Variants in OTOG observed in about 807,000 individuals in gnomAD.
The protein encoded by OTOG is otogelin.
Under a neutral mutation model 313.8 loss-of-function variants are expected in OTOG, and 296 were observed. The ratio of observed to expected loss-of-function variants is 0.94; its 90% CI spans 0.86 to 1.04. The LOEUF (loss-of-function observed/expected upper bound fraction) is 1.04, where lower values mean the gene tolerates loss of function less well. Among genes scored for constraint, OTOG ranks in the 50% least tolerant of loss-of-function variants. OTOG has a pLI of 0.00. For synonymous variants in OTOG, 1,533 were observed against 1,554.9 expected, an observed-to-expected ratio of 0.99 and a Z score of 0.33; for missense variants, 3,948 against 3,840.1, an observed-to-expected ratio of 1.03 and a Z score of -0.74.
chr11:17,631,440 T>C (rs919839026), intron 40 of OTOG, among the ~76,000 whole-genome samples: 17 of 151,908 alleles, frequency 1.1e-4, no homozygotes, highest in African/African-American at 4.1e-4. Flanking sequence ...TATATATATA[T>C]GCATTTTTCG....
At chr11:17,641,309 T>G (rs2133720777) in intron 51 of OTOG, among the ~76,000 whole-genome samples, 1 of 151,704 alleles carries the variant, frequency 6.6e-6, no homozygotes, top group East Asian at 1.9e-4. Context: ...CTGGAAAGAG[T>G]GGGTGTTGAC....
At chr11:17,578,239 A>G (rs1380647656) in intron 22 of OTOG, 134 bp from the exon 23 acceptor site, 19 of 1,388,160 alleles carry the variant, frequency 1.4e-5, no homozygotes, top group South Asian at 1.2e-4. Context: ...GAAACCAAGC[A>G]ATGCCCAGGA....
chr11:17,567,680 C>T (rs536720011), intron 15 of OTOG, among the ~76,000 whole-genome samples: 1 of 152,262 alleles, frequency 6.6e-6, no homozygotes, highest in South Asian at 2.1e-4. Flanking sequence ...CTGATGGGTT[C>T]TGGTCCCTCT....
intron 32 of OTOG, among the ~76,000 whole-genome samples, chr11:17,605,398 G>A (rs190012388): frequency 6.6e-6 from 1 of 152,262 alleles, no homozygotes; most frequent in Non-Finnish European, 1.5e-5. Context: ...ACCAAGCTGG[G>A]GACCCTATAG....
rs545244887 is a variant in OTOG at position 17,570,395 on chromosome 11, G to C, written c.1955+5G>C. On this transcript the variant is annotated splice_donor_5th_base_variant and intron_variant, in intron 17 of 55. Coordinates refer to ENST00000399397, the MANE Select transcript of OTOG (RefSeq NM_001292063.2). ...CAACACGCAGGATGACTTCCTGTACGTAGCCCTGCCACGGAACCCGAAGAA... is the reference window on the plus strand; with the variant it reads ...CAACACGCAGGATGACTTCCTGTACCTAGCCCTGCCACGGAACCCGAAGAA... 1.1e-5 allele frequency: 17 copies of C among 1,549,806 alleles called. No individual in the cohort carries two copies. The African/African-American group carries it at 2.3e-4, about 21-fold the overall frequency.
chr11:17,571,069 A>G (rs1008682493), intron 17 of OTOG, among the ~76,000 whole-genome samples: 7 of 152,216 alleles, frequency 4.6e-5, no homozygotes, highest in African/African-American at 1.7e-4. Context: ...AGTTCCACAC[A>G]TTAGGGGATG....
chr11:17,611,362 T>C lies in OTOG; in HGVS notation c.6062T>C (p.Val2021Ala), dbSNP rs745330727. The change falls in exon 36 of 56, where the codon GTA (valine) becomes GCA (alanine). Residue 2021 changes from valine to alanine, a missense_variant. By Grantham distance (64) the Val-to-Ala change is moderately conservative. Coordinates refer to ENST00000399397, the MANE Select transcript of OTOG (RefSeq NM_001292063.2). Reference sequence around the variant, plus strand: ...CGCTCAGCCCCAGCCCTGAGCATCGTAGAGGGTTTGGCGGAGGCTTTGGCA... The same window carrying C: ...CGCTCAGCCCCAGCCCTGAGCATCGCAGAGGGTTTGGCGGAGGCTTTGGCA... ...SGRSAPALSI[V>A]EGLAEALATT... 18 of 1,548,370 alleles carry C rather than the reference T, an allele frequency of 1.2e-5. No homozygotes were observed. Among genetic ancestry groups the C allele is most frequent in the African/African-American group, 9.6e-5 (7 of 73,010 alleles).
chr11:17,594,424 C>A (rs1042766366), intron 28 of OTOG, among the ~76,000 whole-genome samples: 5 of 152,290 alleles, frequency 3.3e-5, no homozygotes, highest in African/African-American at 9.6e-5. Context: ...GGGAAGGTGA[C>A]AAAGTCTGTC....
At chr11:17,615,706 G>A (rs765453682) in intron 39 of OTOG, among the ~76,000 whole-genome samples, 6 of 152,122 alleles carry the variant, frequency 3.9e-5, no homozygotes, top group Non-Finnish European at 5.9e-5. Flanking sequence ...CGAGGTGGGC[G>A]GATCTCAAGG....
In OTOG at chr11:17,593,556, A is replaced by T. The variant is rs2057264272; in HGVS notation, c.3142-54A>T. On this transcript the variant is annotated intron_variant, in intron 26 of 55. Transcript: ENST00000399397. ...GAGGGCCTGGCTGCAGGCATAGCTG[A>T]CCTGGGCGCTAGGGGGCACTTGGGC... 2.6e-6 allele frequency: 4 copies of T among 1,539,298 alleles called. No individual in the cohort carries two copies. The Admixed American group carries it at 7.9e-5, about 30-fold the overall frequency.
chr11:17,566,344 T>A (rs1397531466), intron 15 of OTOG, among the ~76,000 whole-genome samples: 2 of 152,228 alleles, frequency 1.3e-5, no homozygotes, highest in East Asian at 3.8e-4. Flanking sequence ...TCTGTACATG[T>A]TCAGTACAGA....
At chr11:17,594,310 C>A in intron 28 of OTOG, 144 bp downstream of exon 28, 1 of 1,103,306 alleles carries the variant, frequency 9.1e-7, no homozygotes, top group Non-Finnish European at 1.3e-6. Flanking sequence ...GCATCCCTAG[C>A]CCTAGACTCT....
intron 8 of OTOG, 41 bp from the exon 9 acceptor site, chr11:17,558,144 C>A: frequency 6.5e-7 from 1 of 1,548,822 alleles, no homozygotes; most frequent in Non-Finnish European, 8.7e-7. Flanking sequence ...ATCCACCCAA[C>A]CCCATCGCTG....
At position 17,558,563 on chromosome 11, in the gene OTOG, T is replaced by C; in HGVS notation, c.1022T>C (p.Leu341Pro). ...GGCGTGTACGAGCAGTGTGAGGCTC[T>C]ACTGCGGCCCCCCTTTGACGCCTGC... The part of the protein sequence containing the change: ...MQGVYEQCEA[L>P]LRPPFDACHA... Residue 341 changes from leucine to proline, a missense_variant, in exon 10 of 56, where the codon CTA becomes CCA. Leu to Pro is a moderately conservative substitution (Grantham distance 98). Transcript: ENST00000399397. 6.4e-7 allele frequency: 1 copy of C among 1,550,562 alleles called. No homozygotes were observed. The highest frequency in any genetic ancestry group is 8.7e-7 in the Non-Finnish European group (1 of 1,146,996).
chr11:17,610,323 G>A lies in OTOG; in HGVS notation c.5023G>A (p.Val1675Ile), dbSNP rs747132031. The A allele has an allele frequency of 6.4e-7, 1 of 1,550,706 alleles. No homozygotes were observed. The highest frequency in any genetic ancestry group is 8.7e-7 in the Non-Finnish European group (1 of 1,147,000). Residue 1675 changes from valine (V) to isoleucine (I), a missense_variant, in exon 36 of 56, where the codon GTC becomes ATC. Val to Ile is a conservative substitution (Grantham distance 29). Transcript: ENST00000399397. ...TGTGCTGACACCTGCAGTAACTAAG[G>A]TCATAAGCAGGACAGGGGTCCCCCA... The part of the protein sequence containing the change: ...KAVLTPAVTK[V>I]ISRTGVPQPT...
intron 20 of OTOG, among the ~76,000 whole-genome samples, chr11:17,575,933 A>G (rs1193976413): frequency 1.3e-5 from 2 of 152,198 alleles, no homozygotes; most frequent in Admixed American, 6.5e-5. Context: ...ACGTGCCTAT[A>G]ATCGGCAGGT....
rs7111528 is a variant in OTOG at position 17,611,104 on chromosome 11, C to T, written c.5804C>T (p.Thr1935Met). The part of the protein sequence containing the change: ...GSAEGGPTEL[T>M]PATSHPLTPL... ...GCAGAGGGTGGGCCCACAGAGCTCACGCCTGCTACGAGCCACCCTCTCACG... is the reference window on the plus strand; with the variant it reads ...GCAGAGGGTGGGCCCACAGAGCTCATGCCTGCTACGAGCCACCCTCTCACG... Residue 1935 changes from threonine to methionine, a missense_variant, in exon 36 of 56, where the codon ACG becomes ATG. Physicochemically the swap from Thr to Met is moderately conservative, Grantham distance 81. Coordinates refer to ENST00000399397, the MANE Select transcript of OTOG (RefSeq NM_001292063.2). The T allele has an allele frequency of 0.37, 579,124 of 1,550,336 alleles. 110,870 individuals carry two copies. The highest frequency in any genetic ancestry group is 0.52 in the African/African-American group (37,703 of 73,084).
At position 17,634,181 on chromosome 11, in the gene OTOG, T is replaced by A. The variant is rs532385451; in HGVS notation, c.7380T>A (p.Asp2460Glu). 280 of 1,550,258 alleles carry A rather than the reference T, an allele frequency of 1.8e-4. No homozygotes were observed. The highest frequency in any genetic ancestry group is 1.8e-3 in the Admixed American group (90 of 50,996). ...CCCCAGACACCATTGTCCCGGTGGA[T>A]CTGGGCTGCCCCAGTCCCCGCCCTG... ...CQAPDTIVPVDLGCPSPRPES... is the reference protein window; with the variant it reads ...CQAPDTIVPVELGCPSPRPES... The change falls in exon 44 of 56, where the codon GAT (aspartate) becomes GAA (glutamate). Residue 2460 changes from aspartate to glutamate, a missense_variant. By Grantham distance (45) the Asp-to-Glu change is conservative. Transcript: ENST00000399397.
Position 17,558,485 on chromosome 11 carries a change from G to A in OTOG, c.997-53G>A, listed in dbSNP as rs181556100. The A allele has an allele frequency of 1.2e-5, 19 of 1,543,710 alleles. No individual in the cohort carries two copies. In the Admixed American group the frequency reaches 3.7e-4, roughly 30 times the overall value. The stretch of plus-strand genomic sequence containing the variant: ...AGCTCAAGTTGGGGTTCTGTGTGGG[G>A]CTGTGTGTGGCTTTGCCAGCCCCTA... On this transcript the variant is annotated intron_variant, in intron 9 of 55. Transcript: ENST00000399397.
Sources: allele counts gnomAD v4.1 joint callset (sites outside exome capture counted in the v4.1 genomes callset), GRCh38; gene constraint gnomAD v4.1.1; transcripts MANE v1.5; gene names NCBI Gene and HGNC (gene_info 2026-07-23, HGNC 2026-07-21).